The following PRKN variants were observed in gnomAD, a reference collection of about 807,000 sequenced individuals.
PRKN encodes E3 ubiquitin-protein ligase parkin.
A neutral mutation model predicts 59.5 loss-of-function variants in PRKN; 56 were observed. The ratio of observed to expected loss-of-function variants is 0.94; its 90% CI spans 0.76 to 1.18. PRKN has a LOEUF of 1.18. PRKN is among the 50% of genes most tolerant of loss of function. The probability of loss-of-function intolerance (pLI) is 0.00; values close to 1 mark genes in which losing one functional copy is unlikely to be tolerated. For synonymous variants in PRKN, 250 were observed against 222.1 expected (o/e 1.13, Z -1.12); for missense variants, 657 against 596.4 (o/e 1.10, Z -1.06).
At chr6:162,403,107 A>G (rs1562736643) in intron 2 of PRKN, among the ~76,000 whole-genome samples, 1 of 152,170 alleles carries the variant, frequency 6.6e-6, no homozygotes, top group East Asian at 1.9e-4. Flanking sequence ...TGTTCTCAAC[A>G]TAACTGGCCA....
intron 4 of PRKN, among the ~76,000 whole-genome samples, chr6:162,182,226 A>T (rs1225913822): frequency 6.6e-6 from 1 of 152,202 alleles, no homozygotes; most frequent in Non-Finnish European, 1.5e-5. Flanking sequence ...CACTCTAGTC[A>T]TTAAACACAG....
At chr6:161,632,366 T>C (rs1398231652) in intron 7 of PRKN, among the ~76,000 whole-genome samples, 2 of 152,230 alleles carry the variant, frequency 1.3e-5, no homozygotes, top group African/African-American at 4.8e-5. Flanking sequence ...TCTGTGAGCA[T>C]CTTATAAAAT....
rs1173470083 is a variant in PRKN at position 161,874,002 on chromosome 6, ATAAAATATATATTATATG to A, written c.735-88112_735-88095del. 9.1e-5 allele frequency among the ~76,000 whole-genome samples: 7 copies of A among 77,334 alleles called. No individual in the cohort carries two copies. The East Asian group carries it at 1.9e-3, about 21-fold the overall frequency. 50.7% of individuals were successfully genotyped at this position (77,334 alleles called of 152,430 possible). A position where few individuals can be genotyped will look rare whatever the true frequency, so the allele number is the denominator to read the frequency against. ...AAAATATATATGTAAAATATAATAT[ATAAAATATATATTATATG>A]TAAAATATATATAAAATATATATTA... On this transcript the variant is annotated intron_variant, in intron 6 of 11. Transcript: ENST00000366898.
At chr6:161,991,254 T>A (rs1488678649) in intron 5 of PRKN, among the ~76,000 whole-genome samples, 1 of 152,080 alleles carries the variant, frequency 6.6e-6, no homozygotes, top group Non-Finnish European at 1.5e-5. Context: ...AAATTCTACA[T>A]CTGGAAGGAA....
At chr6:161,862,772 G>C (rs1370228830) in intron 6 of PRKN, among the ~76,000 whole-genome samples, 3 of 152,140 alleles carry the variant, frequency 2.0e-5, no homozygotes, top group African/African-American at 7.2e-5. Flanking sequence ...AAGCCATTCA[G>C]AGGTAAGAAG....
intron 6 of PRKN, among the ~76,000 whole-genome samples, chr6:161,957,189 C>G (rs947764321): frequency 6.6e-6 from 1 of 152,152 alleles, no homozygotes; most frequent in African/African-American, 2.4e-5. Context: ...TTGATAATAA[C>G]ATCTGAATGA....
chr6:162,148,962 G>A (rs527672638), intron 4 of PRKN, among the ~76,000 whole-genome samples: 2 of 152,248 alleles, frequency 1.3e-5, no homozygotes, highest in Admixed American at 1.3e-4. Flanking sequence ...GTGTGGCCAG[G>A]GTGGGGGTAC....
chr6:161,772,456 C>T (rs1013741468), intron 7 of PRKN, among the ~76,000 whole-genome samples: 2 of 152,096 alleles, frequency 1.3e-5, no homozygotes, highest in African/African-American at 4.8e-5. Flanking sequence ...TCTCAGCAAT[C>T]GACATGTTCT....
In PRKN at chr6:162,513,231, C is replaced by A. The variant is rs556160723; in HGVS notation, c.8-69758G>T. ...TGGTAGCTCATGCCTATAAGCCCAG[C>A]ACTTTGGGAGGTCGAGGCAGGCAGA... On this transcript the variant is annotated intron_variant, in intron 1 of 11. Coordinates refer to ENST00000366898, the MANE Select transcript of PRKN (RefSeq NM_004562.3). 2.2e-4 allele frequency among the ~76,000 whole-genome samples: 33 copies of A among 152,256 alleles called. 1 individual carries two copies. Among genetic ancestry groups the A allele is most frequent in the African/African-American group, 7.9e-4 (33 of 41,556 alleles).
chr6:161,433,757 C>G (rs1255008403), intron 9 of PRKN, among the ~76,000 whole-genome samples: 2 of 152,028 alleles, frequency 1.3e-5, no homozygotes, highest in Non-Finnish European at 2.9e-5. Flanking sequence ...TGGCTGTCAC[C>G]TGTAATCCCA....
chr6:162,387,555 C>CACACAGAGAGAGAGAGAG (rs1212726833), intron 2 of PRKN, among the ~76,000 whole-genome samples: 7 of 95,630 alleles, frequency 7.3e-5, no homozygotes, highest in African/African-American at 2.5e-4. Flanking sequence ...CACACACACA[C>CACACAGAGAGAGAGAGAG]AGAGAGAGAG....
chr6:161,924,394 C>G (rs892440561), intron 6 of PRKN, among the ~76,000 whole-genome samples: 3 of 152,132 alleles, frequency 2.0e-5, no homozygotes, highest in Non-Finnish European at 4.4e-5. Flanking sequence ...CTATTTGTTT[C>G]CTCCTAGTTT....
intron 7 of PRKN, among the ~76,000 whole-genome samples, chr6:161,728,495 T>A (rs764272383): frequency 2.6e-5 from 4 of 152,094 alleles, no homozygotes; most frequent in Non-Finnish European, 5.9e-5. Context: ...CCCCACCTGA[T>A]TGAAAGTAGA....
chr6:161,817,042 TG>T (rs1791814744), intron 6 of PRKN, among the ~76,000 whole-genome samples: 1 of 152,150 alleles, frequency 6.6e-6, no homozygotes, highest in Non-Finnish European at 1.5e-5. Context: ...ATAAAGTTTT[TG>T]TTTTGTTATT....
At position 161,716,205 on chromosome 6, in the gene PRKN, A is replaced by G. The variant is rs1583046022; in HGVS notation, c.871+69567T>C. 2.2e-5 allele frequency: 15 copies of G among 679,152 alleles called. 1 individual carries two copies. The highest frequency in any genetic ancestry group is 2.0e-4 in the South Asian group (14 of 69,242). The allele number at this position is 679,152 out of a possible 1,614,324, so 42.1% of individuals were successfully genotyped here. ...CAACCTTGTATCTGATGCTCTTTTC[A>G]TATTATTGCTGTTGGAGTAATATTC... On this transcript the variant is annotated intron_variant, in intron 7 of 11. Coordinates refer to ENST00000366898, the MANE Select transcript of PRKN (RefSeq NM_004562.3).
intron 6 of PRKN, among the ~76,000 whole-genome samples, chr6:161,858,824 G>C (rs1562342004): frequency 7.0e-6 from 1 of 143,258 alleles, no homozygotes; most frequent in Non-Finnish European, 1.5e-5. Flanking sequence ...AGTATGCTCA[G>C]GGTGCCGCCT....
Position 161,357,773 on chromosome 6 carries a change from T to A in PRKN, c.1285+2315A>T, listed in dbSNP as rs1206851687. On this transcript the variant is annotated intron_variant, in intron 11 of 11. Transcript: ENST00000366898. This position sits in a 1 kb window ranked among gnomAD's most constrained non-coding sequence, Gnocchi z 5.5. ...TGAAATTCTGATTTCTCACTGAGGA[T>A]GGATGTAAACCTTTCCGCCATGCCT... 6.6e-6 allele frequency among the ~76,000 whole-genome samples: 1 copy of A among 152,366 alleles called. No homozygotes were observed. Among genetic ancestry groups the A allele is most frequent in the Admixed American group, 6.5e-5 (1 of 15,302 alleles).
chr6:162,206,526 G>C (rs574209752), intron 3 of PRKN, among the ~76,000 whole-genome samples: 1 of 152,216 alleles, frequency 6.6e-6, no homozygotes, highest in African/African-American at 2.4e-5. Context: ...AGTTGTCCTT[G>C]TTTCTTACAC....
intron 5 of PRKN, among the ~76,000 whole-genome samples, chr6:162,051,851 AG>A (rs1777658942): frequency 6.6e-6 from 1 of 152,046 alleles, no homozygotes; most frequent in South Asian, 2.1e-4. Flanking sequence ...AGGGGACCCA[AG>A]GGGTGTCAGC....
Sources: allele counts gnomAD v4.1 joint callset (sites outside exome capture counted in the v4.1 genomes callset), GRCh38; gene constraint gnomAD v4.1.1; non-coding constraint Gnocchi (gnomAD v3.1); transcripts MANE v1.5; gene names NCBI Gene and HGNC (gene_info 2026-07-23, HGNC 2026-07-21).